Variants in NINJ2 observed in about 807,000 individuals in gnomAD.
NINJ2 encodes the protein ninjurin-2.
NINJ2 carries 12 observed loss-of-function variants against 11.7 expected under a neutral mutation model. The observed-to-expected ratio is 1.02, with a 90% CI of 0.66 to 1.66. The LOEUF is 1.66. NINJ2 is among the 40% of genes most tolerant of loss of function. The pLI, the probability that NINJ2 is intolerant of heterozygous loss-of-function variation, is 0.00. For synonymous variants in NINJ2, 93 were observed against 76.8 expected (o/e 1.21, Z -1.10); for missense variants, 187 against 181.8 (o/e 1.03, Z -0.16).
At chr12:648,977 C>T (rs1231951973) in intron 1 of NINJ2, among the ~76,000 whole-genome samples, 1 of 27,916 alleles carries the variant, frequency 3.6e-5, no homozygotes, top group Non-Finnish European at 9.7e-5. Flanking sequence ...AAGTCATCCA[C>T]CTATCTATCT....
chr12:651,811 C>T (rs993043078), intron 1 of NINJ2, among the ~76,000 whole-genome samples: 2 of 152,152 alleles, frequency 1.3e-5, no homozygotes, highest in African/African-American at 4.8e-5. Context: ...ATGAAGAATG[C>T]CATTGATGGG....
intron 1 of NINJ2, among the ~76,000 whole-genome samples, chr12:616,050 G>A (rs1358672281): frequency 6.6e-6 from 1 of 152,192 alleles, no homozygotes; most frequent in South Asian, 2.1e-4. Flanking sequence ...AAGCTGATAA[G>A]AATTTGTTGC....
At chr12:650,723 A>G (rs1247192325) in intron 1 of NINJ2, among the ~76,000 whole-genome samples, 1 of 152,172 alleles carries the variant, frequency 6.6e-6, no homozygotes, top group African/African-American at 2.4e-5. Flanking sequence ...GACACATATT[A>G]TAGTATCAAA....
At chr12:629,726 A>G (rs1372043313) in intron 1 of NINJ2, among the ~76,000 whole-genome samples, 3 of 150,580 alleles carry the variant, frequency 2.0e-5, no homozygotes. Flanking sequence ...CGTCTCTACT[A>G]AAAATGCAAA....
chr12:635,232 G>A (rs978247264), intron 1 of NINJ2, among the ~76,000 whole-genome samples: 34 of 151,948 alleles, frequency 2.2e-4, no homozygotes, highest in African/African-American at 8.2e-4. Flanking sequence ...TGTATTTTTA[G>A]TAGAAACAGG....
chr12:650,273 C>T (rs927797636), intron 1 of NINJ2, among the ~76,000 whole-genome samples: 6 of 151,938 alleles, frequency 3.9e-5, no homozygotes, highest in South Asian at 2.1e-4. Context: ...TTAGTAGAGA[C>T]GGGGTTTCAC....
chr12:625,435 GA>G (rs11342650), intron 1 of NINJ2, among the ~76,000 whole-genome samples: 63,228 of 152,004 alleles, frequency 0.42, 13,513 homozygotes, highest in Non-Finnish European at 0.46. Context: ...GGGAATCACT[GA>G]AGGTTTTTGA....
intron 1 of NINJ2, among the ~76,000 whole-genome samples, chr12:607,486 AAGAC>A (rs374113112): frequency 6.6e-6 from 1 of 152,316 alleles, no homozygotes; most frequent in East Asian, 1.9e-4. Context: ...CACAACCAAA[AAGAC>A]AGAAAGCGCA....
At chr12:613,643 C>G (rs1414900945) in intron 1 of NINJ2, among the ~76,000 whole-genome samples, 1 of 152,076 alleles carries the variant, frequency 6.6e-6, no homozygotes, top group African/African-American at 2.4e-5. Context: ...CGGTGGCTCA[C>G]GCCTGTAATC....
chr12:614,616 G>A lies in NINJ2; in HGVS notation c.34-48438C>T, dbSNP rs1276668404. On this transcript the variant is annotated intron_variant, in intron 1 of 3. Transcript: ENST00000305108. This position sits in a 1 kb window ranked among gnomAD's most constrained non-coding sequence, Gnocchi z 5.1. ...ATGTCTTCCTCCTCCATGCCTAGAC[G>A]TTCTTTAGTACCTGTGCTCTAAGAG... Among the ~76,000 whole-genome samples, 2 of 152,066 alleles carry A rather than the reference G, an allele frequency of 1.3e-5. No homozygotes were observed. The highest frequency in any genetic ancestry group is 2.9e-5 in the Non-Finnish European group (2 of 68,014).
chr12:638,711 G>T (rs561778021), intron 1 of NINJ2, among the ~76,000 whole-genome samples: 1 of 152,202 alleles, frequency 6.6e-6, no homozygotes, highest in Non-Finnish European at 1.5e-5. Flanking sequence ...CACCGCGCCC[G>T]GCCGACACTT....
At chr12:616,332 A>C (rs1410085071) in intron 1 of NINJ2, among the ~76,000 whole-genome samples, 1 of 152,228 alleles carries the variant, frequency 6.6e-6, no homozygotes, top group Non-Finnish European at 1.5e-5. Context: ...CCTGTAAGTT[A>C]CTAATCCCAC....
At chr12:643,739 G>T in intron 1 of NINJ2, 1 of 934,504 alleles carries the variant, frequency 1.1e-6, no homozygotes, top group Non-Finnish European at 1.3e-6. Flanking sequence ...TCTGGAACTC[G>T]CTCCCCCCTC....
chr12:659,040 A>G (rs891031339), intron 1 of NINJ2, among the ~76,000 whole-genome samples: 3 of 141,166 alleles, frequency 2.1e-5, no homozygotes, highest in African/African-American at 7.8e-5. Context: ...AACTGCTATT[A>G]TATATTATAT....
intron 1 of NINJ2, among the ~76,000 whole-genome samples, chr12:592,861 G>C (rs1439125682): frequency 1.3e-5 from 2 of 152,094 alleles, no homozygotes; most frequent in Admixed American, 6.5e-5. Flanking sequence ...GAAAAGTTAT[G>C]AAAAGACAAT....
intron 1 of NINJ2, among the ~76,000 whole-genome samples, chr12:629,896 A>AATATATATATATATAT (rs1160871577): frequency 6.1e-4 from 6 of 9,882 alleles, no homozygotes; most frequent in African/African-American, 7.3e-4. Flanking sequence ...AAAAAAAAAA[A>AATATATATATATATAT]ATATATATAT....
chr12:634,336 T>G (rs1347166836), intron 1 of NINJ2, among the ~76,000 whole-genome samples: 1 of 133,246 alleles, frequency 7.5e-6, no homozygotes. Context: ...CTCGGCTCAC[T>G]GCAACCTCCG....
chr12:637,465 C>A (rs1228223701), intron 1 of NINJ2, among the ~76,000 whole-genome samples: 1 of 151,144 alleles, frequency 6.6e-6, no homozygotes, highest in African/African-American at 2.4e-5. Flanking sequence ...CACGGTGAAA[C>A]CCCCGTCTCT....
At chr12:597,773 A>G (rs889210478) in intron 1 of NINJ2, among the ~76,000 whole-genome samples, 2 of 152,212 alleles carry the variant, frequency 1.3e-5, no homozygotes, top group African/African-American at 4.8e-5. Context: ...AACAATGAAC[A>G]CCAAGAAGTG....
Sources: allele counts gnomAD v4.1 joint callset (sites outside exome capture counted in the v4.1 genomes callset), GRCh38; gene constraint gnomAD v4.1.1; non-coding constraint Gnocchi (gnomAD v3.1); transcripts MANE v1.5; gene names NCBI Gene and HGNC (gene_info 2026-07-23, HGNC 2026-07-21).